LGSN: variants seen among roughly 807,000 people sequenced by gnomAD.
LGSN encodes the protein lengsin.
A neutral mutation model predicts 19.5 loss-of-function variants in LGSN; 21 were observed. The ratio of observed to expected loss-of-function variants is 1.07; its 90% CI spans 0.76 to 1.55. The LOEUF (loss-of-function observed/expected upper bound fraction) is 1.55, where lower values mean the gene tolerates loss of function less well. Among genes scored for constraint, LGSN ranks in the 40% most tolerant of loss-of-function variants. LGSN has a pLI of 0.00. For missense variants in LGSN, 673 were observed against 608.5 expected, an observed-to-expected ratio of 1.11 and a Z score of -1.12; for synonymous variants, 257 against 215.6, an observed-to-expected ratio of 1.19 and a Z score of -1.68.
At chr6:63,340,060 G>GT in the LGSN span, among the ~76,000 whole-genome samples, 318 of 150,824 alleles carry the variant, frequency 2.1e-3, 1 homozygote, top group Middle Eastern at 6.9e-3. Context: ...CTAGCAGGGT[G>GT]TTTTTTTTTC....
the LGSN span, among the ~76,000 whole-genome samples, chr6:63,354,645 CAAAGGAAAG>C: frequency 5.3e-5 from 8 of 151,990 alleles, no homozygotes; most frequent in African/African-American, 1.9e-4. Context: ...GGCAATTATC[CAAAGGAAAG>C]GAATCAGTAT....
the LGSN span, among the ~76,000 whole-genome samples, chr6:63,401,838 G>A: frequency 7.9e-5 from 12 of 152,308 alleles, no homozygotes; most frequent in African/African-American, 2.9e-4. Context: ...GATTACTTAC[G>A]TAAACAGATG....
At chr6:63,350,122 C>A in the LGSN span, among the ~76,000 whole-genome samples, 6 of 152,200 alleles carry the variant, frequency 3.9e-5, no homozygotes, top group East Asian at 5.8e-4. Context: ...TTAGCAAAAA[C>A]CGCAAATACT....
At chr6:63,305,982 G>A (rs1483823308) in intron 1 of LGSN, among the ~76,000 whole-genome samples, 3 of 151,976 alleles carry the variant, frequency 2.0e-5, no homozygotes, top group African/African-American at 4.8e-5. Context: ...CATAAGAATC[G>A]CTTAAACCCA....
the LGSN span, among the ~76,000 whole-genome samples, chr6:63,359,113 C>G: frequency 1.3e-5 from 2 of 152,096 alleles, no homozygotes; most frequent in Non-Finnish European, 2.9e-5. Context: ...GTCGTTGGTT[C>G]TGTTTATATG....
chr6:63,367,392 T>A, the LGSN span, among the ~76,000 whole-genome samples: 6 of 152,152 alleles, frequency 3.9e-5, no homozygotes, highest in African/African-American at 1.2e-4. Context: ...CACAATGAGA[T>A]ACCATCTCAC....
At chr6:63,451,158 C>T in the LGSN span, among the ~76,000 whole-genome samples, 1 of 152,056 alleles carries the variant, frequency 6.6e-6, no homozygotes, top group East Asian at 1.9e-4. Flanking sequence ...ATTAGTTCAA[C>T]CATTGTGGAA....
At chr6:63,370,463 T>C in the LGSN span, among the ~76,000 whole-genome samples, 1 of 152,212 alleles carries the variant, frequency 6.6e-6, no homozygotes, top group Non-Finnish European at 1.5e-5. Flanking sequence ...TGTAAGCCTA[T>C]GTTTAGGGTT....
chr6:63,541,539 T>A, the LGSN span, among the ~76,000 whole-genome samples: 1 of 152,076 alleles, frequency 6.6e-6, no homozygotes, highest in Admixed American at 6.6e-5. Flanking sequence ...GGCGACCTTG[T>A]CTCAAGAAAA....
chr6:63,393,611 G>A, the LGSN span, among the ~76,000 whole-genome samples: 2 of 152,138 alleles, frequency 1.3e-5, no homozygotes, highest in Admixed American at 6.6e-5. Context: ...ATACCTGATC[G>A]AACCAATTTG....
At chr6:63,354,424 A>T in the LGSN span, among the ~76,000 whole-genome samples, 1 of 152,228 alleles carries the variant, frequency 6.6e-6, no homozygotes, top group African/African-American at 2.4e-5. Flanking sequence ...GGAAATGTAA[A>T]TTAAAACCAA....
chr6:63,390,118 CTTTTTT>C, the LGSN span, among the ~76,000 whole-genome samples: 8 of 66,316 alleles, frequency 1.2e-4, no homozygotes, highest in Non-Finnish European at 1.7e-4. Context: ...TTCTTTCTTT[CTTTTTT>C]TTTTTTTTTT....
At chr6:63,380,811 A>G in the LGSN span, among the ~76,000 whole-genome samples, 1 of 152,182 alleles carries the variant, frequency 6.6e-6, no homozygotes, top group Non-Finnish European at 1.5e-5. Context: ...AAACTTTATG[A>G]AAATATGGAA....
chr6:63,506,317 G>A, the LGSN span, among the ~76,000 whole-genome samples: 15 of 152,166 alleles, frequency 9.9e-5, no homozygotes, highest in African/African-American at 3.4e-4. Context: ...AGGCTGGAGT[G>A]CAATGGTGGG....
chr6:63,555,918 T>A, the LGSN span, among the ~76,000 whole-genome samples: 1 of 152,100 alleles, frequency 6.6e-6, no homozygotes, highest in African/African-American at 2.4e-5. Flanking sequence ...GGCGAACTCC[T>A]GGCCTCAAGT....
chr6:63,366,454 GGAA>G, the LGSN span, among the ~76,000 whole-genome samples: 112 of 152,308 alleles, frequency 7.4e-4, no homozygotes, highest in Non-Finnish European at 1.2e-3. Flanking sequence ...AGAAACAAAT[GGAA>G]GAACATTCCG....
At chr6:63,346,803 T>C in the LGSN span, among the ~76,000 whole-genome samples, 2 of 152,140 alleles carry the variant, frequency 1.3e-5, no homozygotes, top group South Asian at 4.2e-4. Context: ...CACCCCACCA[T>C]CCTTTTGAAA....
chr6:63,487,158 T>A, the LGSN span, among the ~76,000 whole-genome samples: 1 of 151,632 alleles, frequency 6.6e-6, no homozygotes, highest in East Asian at 1.9e-4. Context: ...TTAATAGAGA[T>A]GGGGTTTCAC....
the LGSN span, among the ~76,000 whole-genome samples, chr6:63,459,726 C>T: frequency 1.3e-5 from 2 of 151,968 alleles, no homozygotes; most frequent in African/African-American, 4.8e-5. Context: ...ACAGCCTGAC[C>T]AACATGATGA....
Sources: allele counts gnomAD v4.1 joint callset (sites outside exome capture counted in the v4.1 genomes callset), GRCh38; gene constraint gnomAD v4.1.1; transcripts MANE v1.5; gene names NCBI Gene and HGNC (gene_info 2026-07-23, HGNC 2026-07-21).